Variants in OR52K1 observed in about 807,000 individuals in gnomAD.
OR52K1 encodes the protein olfactory receptor 52K1.
A neutral mutation model predicts 8.7 loss-of-function variants in OR52K1; 10 were observed. The observed-to-expected ratio is 1.15, with a 90% CI of 0.71 to 1.95. OR52K1 has a LOEUF of 1.95. OR52K1 is among the 30% of genes most tolerant of loss of function. The pLI is 0.00. For synonymous variants in OR52K1, 203 were observed against 148.5 expected, an observed-to-expected ratio of 1.37 and a Z score of -2.67; for missense variants, 431 against 397.2, an observed-to-expected ratio of 1.08 and a Z score of -0.72.
chr11:4,489,557 T>TTA lies in OR52K1; in HGVS notation c.659_660dup (p.Val221MetfsTer28), dbSNP rs763366319. 31 of 1,614,242 alleles carry TTA rather than the reference T, an allele frequency of 1.9e-5. No individual in the cohort carries two copies. In the African/African-American group the frequency reaches 3.2e-4, roughly 17 times the overall value. On this transcript the variant is annotated frameshift_variant, in exon 2 of 2. Transcript: ENST00000641528. LOFTEE classifies it high-confidence loss of function. ...TGGACCTGCTCTTTGTTATCCTGTC[T>TTA]TATGTCTTCATCCTTCAGGCAGTTC...
At position 4,488,968 on chromosome 11, in the gene OR52K1, A is replaced by AAC. The variant is rs750439965; in HGVS notation, c.71_72dup (p.Leu25ThrfsTer19). ...TTGTTGGTAGGAATTCCTGGTTTGGAACACCTGCATGCCTGGATCTCCATC... is the reference window on the plus strand; with the variant it reads ...TTGTTGGTAGGAATTCCTGGTTTGGAACACACCTGCATGCCTGGATCTCCATC... On this transcript the variant is annotated frameshift_variant, in exon 2 of 2. Transcript: ENST00000641528. LOFTEE classifies it high-confidence loss of function. 1.9e-6 allele frequency: 3 copies of AAC among 1,613,974 alleles called. No individual in the cohort carries two copies. In the African/African-American group the frequency reaches 4.0e-5, roughly 22 times the overall value.
Position 4,484,102 on chromosome 11 carries a change from T to C in OR52K1, c.-329+926T>C, listed in dbSNP as rs375906293. On this transcript the variant is annotated intron_variant, in intron 1 of 1. Coordinates refer to ENST00000641528, the MANE Select transcript of OR52K1 (RefSeq NM_001005171.3). ...AGAAATATGTCTTCCAATAATCTAG[T>C]AGTCTGTTTTATTTAGTGAAATGTT... Among the ~76,000 whole-genome samples, 11 of 152,240 alleles carry C rather than the reference T, an allele frequency of 7.2e-5. No homozygotes were observed. In the East Asian group the frequency reaches 1.7e-3, roughly 24 times the overall value.
Position 4,488,705 on chromosome 11 carries a change from G to C in OR52K1, c.-196G>C, listed in dbSNP as rs1028802789. Reference sequence around the variant, plus strand: ...CAATGAGATTCAAATTTCTTTGAGGGTAGAAAATATGGATTATACTTCTCC... The same window carrying C: ...CAATGAGATTCAAATTTCTTTGAGGCTAGAAAATATGGATTATACTTCTCC... On this transcript the variant is annotated 5_prime_UTR_variant, in exon 2 of 2. Coordinates refer to ENST00000641528, the MANE Select transcript of OR52K1 (RefSeq NM_001005171.3). The C allele has an allele frequency of 8.9e-6, 5 of 562,484 alleles. No homozygotes were observed. In the East Asian group the frequency reaches 1.5e-4, roughly 17 times the overall value. 34.8% of individuals were successfully genotyped at this position (562,484 alleles called of 1,614,324 possible). A position where few individuals can be genotyped will look rare whatever the true frequency, so the allele number is the denominator to read the frequency against.
At chr11:4,483,752 A>G (rs1324742205) in intron 1 of OR52K1, among the ~76,000 whole-genome samples, 1 of 152,164 alleles carries the variant, frequency 6.6e-6, no homozygotes, top group Non-Finnish European at 1.5e-5. Context: ...GAAAATACAT[A>G]TTGAGATAAG....
rs1589810272 is a variant in OR52K1 at position 4,489,040 on chromosome 11, T to C, written c.140T>C (p.Leu47Pro). 7 of 1,614,190 alleles carry C rather than the reference T, an allele frequency of 4.3e-6. No individual in the cohort carries two copies. The highest frequency in any genetic ancestry group is 1.7e-4 in the Middle Eastern group (1 of 6,060). The change falls in exon 2 of 2, where the codon CTT becomes CCT. Residue 47 changes from leucine to proline, a missense_variant. Coordinates refer to ENST00000641528, the MANE Select transcript of OR52K1 (RefSeq NM_001005171.3). ...CTGGCCCTGCTAGGCAACTGTACCC[T>C]TCTCTTCATTATCCAGGCTGATGCA... is the stretch of plus-strand genomic sequence containing the variant. ...YTLALLGNCT[L>P]LFIIQADAAL...
At position 4,488,593 on chromosome 11, in the gene OR52K1, A is replaced by C; in HGVS notation, c.-308A>C. 3.6e-6 allele frequency: 1 copy of C among 280,490 alleles called. No individual in the cohort carries two copies. The allele number at this position is 280,490 out of a possible 1,614,324, so 17.4% of individuals were successfully genotyped here. A position where few individuals can be genotyped will look rare whatever the true frequency, so the allele number is the denominator to read the frequency against. On this transcript the variant is annotated 5_prime_UTR_variant, in exon 2 of 2. Transcript: ENST00000641528. ...TCAAGGTATTCATGACATCACCAAG[A>C]ACACAGAAAACACTACATATACTCC...
intron 1 of OR52K1, among the ~76,000 whole-genome samples, chr11:4,484,798 G>A (rs1273905008): frequency 6.7e-6 from 1 of 149,196 alleles, no homozygotes; most frequent in Non-Finnish European, 1.5e-5. Context: ...ATTTGCTTCA[G>A]CTAAAGACAT....
In OR52K1 at chr11:4,490,271, C is replaced by T. The variant is rs779665879; in HGVS notation, c.*426C>T. 1.0e-4 allele frequency: 17 copies of T among 165,682 alleles called. No homozygotes were observed. Among genetic ancestry groups the T allele is most frequent in the Non-Finnish European group, 1.9e-4 (14 of 75,108 alleles). 10.3% of individuals were successfully genotyped at this position (165,682 alleles called of 1,614,324 possible). ...ATTATTCCTTTTAGTACTGAAATTACCCCCATGTCTTTTCTGACAAGTACC... is the reference window on the plus strand; with the variant it reads ...ATTATTCCTTTTAGTACTGAAATTATCCCCATGTCTTTTCTGACAAGTACC... On this transcript the variant is annotated 3_prime_UTR_variant, in exon 2 of 2. Transcript: ENST00000641528.
rs144863882 is a variant in OR52K1 at position 4,489,804 on chromosome 11, C to T, written c.904C>T (p.Arg302Cys). The T allele has an allele frequency of 6.2e-4, 1,001 of 1,613,058 alleles. 1 individual carries two copies. Among genetic ancestry groups the T allele is most frequent in the Non-Finnish European group, 7.6e-4 (902 of 1,179,386 alleles). The change falls in exon 2 of 2, where the codon CGT becomes TGT. Residue 302 changes from arginine to cysteine, a missense_variant. Transcript: ENST00000641528. ...IIYGVKTKQIREYVLSLFQRK... is the reference protein window; with the variant it reads ...IIYGVKTKQICEYVLSLFQRK... The stretch of plus-strand genomic sequence containing the variant: ...ATATGGAGTCAAGACCAAGCAGATT[C>T]GTGAGTATGTGCTCAGTCTATTCCA...
chr11:4,482,792 G>A lies in OR52K1; in HGVS notation c.-713G>A. Reference sequence around the variant, plus strand: ...ATGTTATTGGGGTGAGCAGGAAGGTGGGAGTGAGCTGGAAGGTGGGGGCAC... The same window carrying A: ...ATGTTATTGGGGTGAGCAGGAAGGTAGGAGTGAGCTGGAAGGTGGGGGCAC... On this transcript the variant is annotated 5_prime_UTR_variant, in exon 1 of 2. Coordinates refer to ENST00000641528, the MANE Select transcript of OR52K1 (RefSeq NM_001005171.3). 4.5e-6 allele frequency: 1 copy of A among 223,156 alleles called. No individual in the cohort carries two copies. The allele number at this position is 223,156 out of a possible 1,614,324, so 13.8% of individuals were successfully genotyped here.
At position 4,492,929 on chromosome 11, in the gene OR52K1, CA is replaced by C; in HGVS notation, c.*3088del. ...GCACTGTTATTTATTGGATACAAGGCAAAAGGGGCAGGGTAAAGAGTGTGAG... is the reference window on the plus strand; with the variant it reads ...GCACTGTTATTTATTGGATACAAGGCAAAGGGGCAGGGTAAAGAGTGTGAG... On this transcript the variant is annotated 3_prime_UTR_variant, in exon 2 of 2. Transcript: ENST00000641528. 2 of 185,536 alleles carry C rather than the reference CA, an allele frequency of 1.1e-5. No homozygotes were observed. Among genetic ancestry groups the C allele is most frequent in the South Asian group, 1.3e-4 (1 of 7,454 alleles). The allele number at this position is 185,536 out of a possible 1,614,324, so 11.5% of individuals were successfully genotyped here. A position where few individuals can be genotyped will look rare whatever the true frequency, so the allele number is the denominator to read the frequency against.
chr11:4,486,197 T>C (rs1846319603), intron 1 of OR52K1, among the ~76,000 whole-genome samples: 1 of 152,242 alleles, frequency 6.6e-6, no homozygotes, highest in Non-Finnish European at 1.5e-5. Flanking sequence ...CATTGTGTTA[T>C]TCTGGTACAT....
rs765578382 is a variant in OR52K1 at position 4,489,137 on chromosome 11, G to C, written c.237G>C (p.Thr79=). The C allele has an allele frequency of 2.3e-5, 37 of 1,614,122 alleles. No individual in the cohort carries two copies. The highest frequency in any genetic ancestry group is 3.1e-5 in the Non-Finnish European group (37 of 1,180,028). ...TTGACTTGGTTCTTTCTTCTACAAC[G>C]CTGCCCAAAATGCTTGCCATATTCT... ...ATIDLVLSST[T]LPKMLAIFWF... The change falls in exon 2 of 2, where the codon ACG becomes ACC. Residue 79 remains threonine (T), a synonymous_variant. Coordinates refer to ENST00000641528, the MANE Select transcript of OR52K1 (RefSeq NM_001005171.3).
At position 4,489,484 on chromosome 11, in the gene OR52K1, G is replaced by C. The variant is rs759717811; in HGVS notation, c.584G>C (p.Ser195Thr). The change falls in exon 2 of 2, where the codon AGC (serine) becomes ACC (threonine). Residue 195 changes from serine to threonine, a missense_variant. Ser to Thr is a moderately conservative substitution (Grantham distance 58). Coordinates refer to ENST00000641528, the MANE Select transcript of OR52K1 (RefSeq NM_001005171.3). ...AVVRLACGDT[S>T]FNNIYGIAVA... ...GTAAGGCTGGCGTGTGGGGACACTA[G>C]CTTCAACAATATCTATGGCATTGCT... The C allele has an allele frequency of 6.2e-7, 1 of 1,614,086 alleles. No homozygotes were observed. The highest frequency in any genetic ancestry group is 1.3e-5 in the African/African-American group (1 of 74,938).
chr11:4,482,904 G>A lies in OR52K1; in HGVS notation c.-601G>A. On this transcript the variant is annotated 5_prime_UTR_variant, in exon 1 of 2. Coordinates refer to ENST00000641528, the MANE Select transcript of OR52K1 (RefSeq NM_001005171.3). ...CTTCTACTCTGGTCCTTCAATAGAG[G>A]GAACAGAAGTCTCGATAGTCCCACC... 3 of 376,378 alleles carry A rather than the reference G, an allele frequency of 8.0e-6. No homozygotes were observed. The highest frequency in any genetic ancestry group is 9.4e-6 in the Non-Finnish European group (2 of 212,522). 23.3% of individuals were successfully genotyped at this position (376,378 alleles called of 1,614,324 possible). A position where few individuals can be genotyped will look rare whatever the true frequency, so the allele number is the denominator to read the frequency against.
At chr11:4,486,789 T>C (rs903561911) in intron 1 of OR52K1, among the ~76,000 whole-genome samples, 1 of 152,230 alleles carries the variant, frequency 6.6e-6, no homozygotes, top group Non-Finnish European at 1.5e-5. Context: ...GTTTAAATAG[T>C]TGTCATTAAA....
At chr11:4,487,381 C>T (rs1266151265) in intron 1 of OR52K1, among the ~76,000 whole-genome samples, 1 of 152,122 alleles carries the variant, frequency 6.6e-6, no homozygotes, top group Non-Finnish European at 1.5e-5. Flanking sequence ...AGGGAAATAG[C>T]ACTGAACTAC....
Position 4,492,086 on chromosome 11 carries a change from C to A in OR52K1, c.*2241C>A, listed in dbSNP as rs1377910849. On this transcript the variant is annotated 3_prime_UTR_variant, in exon 2 of 2. Transcript: ENST00000641528. ...CCATCAAAAAGAAATAAGATCACGT[C>A]CTTTGTGGGAACATGGATGGAGCTA... 2 of 152,014 alleles carry A rather than the reference C, an allele frequency of 1.3e-5. No homozygotes were observed. The highest frequency in any genetic ancestry group is 2.9e-5 in the Non-Finnish European group (2 of 67,996). The allele number at this position is 152,014 out of a possible 1,614,324, so 9.4% of individuals were successfully genotyped here.
At chr11:4,487,145 G>C (rs369192129) in intron 1 of OR52K1, among the ~76,000 whole-genome samples, 1 of 152,174 alleles carries the variant, frequency 6.6e-6, no homozygotes, top group Non-Finnish European at 1.5e-5. Context: ...CCTTGAGAGA[G>C]TTGAGATTGT....
Sources: gnomAD v4.1 joint callset for allele counts (sites outside exome capture counted in the v4.1 genomes callset) on GRCh38, gnomAD v4.1.1 for gene constraint, MANE v1.5 for transcripts, NCBI Gene and HGNC (gene_info 2026-07-23, HGNC 2026-07-21) for gene names.